CRIM1: variants seen among roughly 807,000 people sequenced by gnomAD.
CRIM1 encodes the protein cysteine-rich motor neuron 1 protein.
In CRIM1, 32 loss-of-function variants were observed where a neutral mutation model predicts 116.4. The observed-to-expected ratio is 0.27, with a 90% CI of 0.21 to 0.37. CRIM1 has a LOEUF of 0.37. Among genes scored for constraint, CRIM1 ranks in the 10% least tolerant of loss-of-function variants. CRIM1 has a pLI of 1.00. For missense variants in CRIM1, 1,331 were observed against 1,354.8 expected (o/e 0.98, Z 0.28); for synonymous variants, 590 against 509.2 (o/e 1.16, Z -2.13).
At chr2:36,401,115 T>C (rs1672373327) in intron 2 of CRIM1, among the ~76,000 whole-genome samples, 1 of 152,146 alleles carries the variant, frequency 6.6e-6, no homozygotes, top group Non-Finnish European at 1.5e-5. Flanking sequence ...TGGAAGTCAT[T>C]GCAGGCCATT....
At chr2:36,521,350 A>G (rs191984078) in intron 12 of CRIM1, among the ~76,000 whole-genome samples, 394 of 152,280 alleles carry the variant, frequency 2.6e-3, no homozygotes, top group Non-Finnish European at 3.8e-3. Flanking sequence ...ATTCCTGAAC[A>G]TTGGAATGTT....
chr2:36,381,017 C>T (rs1670711473), intron 1 of CRIM1, among the ~76,000 whole-genome samples: 1 of 152,260 alleles, frequency 6.6e-6, no homozygotes, highest in African/African-American at 2.4e-5. Flanking sequence ...TCTCCCTGCC[C>T]CATGACTTTG....
intron 8 of CRIM1, among the ~76,000 whole-genome samples, chr2:36,507,748 T>C (rs71437558): frequency 6.6e-6 from 1 of 152,234 alleles, no homozygotes; most frequent in African/African-American, 2.4e-5. Context: ...TATCACATTG[T>C]TTAAACTTGA....
At chr2:36,484,461 C>A (rs1291002813) in intron 7 of CRIM1, among the ~76,000 whole-genome samples, 1 of 151,894 alleles carries the variant, frequency 6.6e-6, no homozygotes, top group Non-Finnish European at 1.5e-5. Flanking sequence ...GATAAGGTAT[C>A]GGGGAGGGAA....
intron 14 of CRIM1, among the ~76,000 whole-genome samples, chr2:36,539,876 A>G (rs1245203096): frequency 6.6e-6 from 1 of 152,196 alleles, no homozygotes; most frequent in African/African-American, 2.4e-5. Context: ...AACTGAAAGT[A>G]GATCTACAAA....
intron 2 of CRIM1, among the ~76,000 whole-genome samples, chr2:36,409,445 GCAGT>G (rs1386618869): frequency 2.6e-5 from 4 of 152,188 alleles, no homozygotes; most frequent in Non-Finnish European, 5.9e-5. Flanking sequence ...AAGGATTTCT[GCAGT>G]CAATGATACC....
In CRIM1 at chr2:36,398,906, G is replaced by A. The variant is rs143747004; in HGVS notation, c.505+2119G>A. ...ACGTCGTTAATAGTGACAGAGACTTGGAATGCTATAGGACCTCAATGCCAA... is the reference window on the plus strand; with the variant it reads ...ACGTCGTTAATAGTGACAGAGACTTAGAATGCTATAGGACCTCAATGCCAA... On this transcript the variant is annotated intron_variant, in intron 2 of 16. Coordinates refer to ENST00000280527, the MANE Select transcript of CRIM1 (RefSeq NM_016441.3). Among the ~76,000 whole-genome samples, 15 of 152,286 alleles carry A rather than the reference G, an allele frequency of 9.8e-5. No individual in the cohort carries two copies. In the East Asian group the frequency reaches 2.3e-3, roughly 24 times the overall value.
At chr2:36,452,117 T>G (rs79268449) in intron 4 of CRIM1, among the ~76,000 whole-genome samples, 2 of 131,960 alleles carry the variant, frequency 1.5e-5, no homozygotes, top group Admixed American at 7.6e-5. Flanking sequence ...ACAGTTTGGG[T>G]TTTTTTTTTT....
chr2:36,495,669 C>T (rs1680538323), intron 7 of CRIM1, among the ~76,000 whole-genome samples: 1 of 151,908 alleles, frequency 6.6e-6, no homozygotes, highest in Admixed American at 6.6e-5. Context: ...TAATTGAGAA[C>T]AGTGTCAAAT....
intron 1 of CRIM1, 31 bp from the exon 2 acceptor site, chr2:36,396,583 A>G: frequency 6.7e-7 from 1 of 1,482,924 alleles, no homozygotes. Flanking sequence ...AGCTGCAAAC[A>G]CACATTATCT....
At chr2:36,404,977 G>A (rs1672678893) in intron 2 of CRIM1, among the ~76,000 whole-genome samples, 1 of 151,850 alleles carries the variant, frequency 6.6e-6, no homozygotes, top group Non-Finnish European at 1.5e-5. Flanking sequence ...TAAAGCGTAC[G>A]TGCTAAATTT....
chr2:36,373,391 C>G (rs911358685), intron 1 of CRIM1, among the ~76,000 whole-genome samples: 1 of 152,148 alleles, frequency 6.6e-6, no homozygotes, highest in Non-Finnish European at 1.5e-5. Flanking sequence ...TGAAGTGCAA[C>G]CAGCAAGTAC....
intron 8 of CRIM1, among the ~76,000 whole-genome samples, chr2:36,508,467 CTG>C (rs1465799713): frequency 2.0e-5 from 3 of 152,132 alleles, no homozygotes; most frequent in Non-Finnish European, 2.9e-5. Flanking sequence ...CCAGTGACTT[CTG>C]TGTTATTACA....
At chr2:36,496,967 T>C (rs1680644074) in intron 7 of CRIM1, among the ~76,000 whole-genome samples, 1 of 152,200 alleles carries the variant, frequency 6.6e-6, no homozygotes, top group Admixed American at 6.5e-5. Context: ...ATCATCTTTG[T>C]AAAAGTTGGA....
chr2:36,384,534 A>G (rs559033967), intron 1 of CRIM1, among the ~76,000 whole-genome samples: 2 of 152,318 alleles, frequency 1.3e-5, no homozygotes, highest in African/African-American at 4.8e-5. Context: ...ATGTTTTTCA[A>G]ACATGTTCTT....
chr2:36,476,693 A>G (rs1023357625), intron 5 of CRIM1, among the ~76,000 whole-genome samples, 196 bp from the exon 6 acceptor site: 7 of 152,196 alleles, frequency 4.6e-5, no homozygotes, highest in African/African-American at 9.7e-5. Context: ...TGTAAACTGG[A>G]TAACAGTGTG....
At chr2:36,469,399 T>G (rs937108238) in intron 5 of CRIM1, among the ~76,000 whole-genome samples, 1 of 152,216 alleles carries the variant, frequency 6.6e-6, no homozygotes, top group African/African-American at 2.4e-5. Context: ...AGTATTAAAA[T>G]GCAGCACTAA....
In CRIM1 at chr2:36,507,697, C is replaced by A. The variant is rs114676691; in HGVS notation, c.1502-2286C>A. 4.3e-3 allele frequency among the ~76,000 whole-genome samples: 649 copies of A among 152,296 alleles called. 2 individuals carry two copies. The highest frequency in any genetic ancestry group is 0.041 in the Middle Eastern group (12 of 292). On this transcript the variant is annotated intron_variant, in intron 8 of 16. Transcript: ENST00000280527. ...AATGTACCAGCCTTTGTTTGAAATTCCATTCCATTGCAAAGCAGAGGTAGA... is the reference window on the plus strand; with the variant it reads ...AATGTACCAGCCTTTGTTTGAAATTACATTCCATTGCAAAGCAGAGGTAGA...
At chr2:36,364,540 G>A (rs1374306509) in intron 1 of CRIM1, among the ~76,000 whole-genome samples, 7 of 152,190 alleles carry the variant, frequency 4.6e-5, no homozygotes, top group Admixed American at 4.6e-4. Flanking sequence ...GAAAAGTTTA[G>A]TGGAGGATGC....
Sources: gnomAD v4.1 joint callset for allele counts (sites outside exome capture counted in the v4.1 genomes callset) on GRCh38, gnomAD v4.1.1 for gene constraint, MANE v1.5 for transcripts, NCBI Gene and HGNC (gene_info 2026-07-23, HGNC 2026-07-21) for gene names.